FAM171B: variants seen among roughly 807,000 people sequenced by gnomAD.
FAM171B encodes the protein family with sequence similarity 171 member B.
A neutral mutation model predicts 75.6 loss-of-function variants in FAM171B; 19 were observed. That is an observed-to-expected ratio of 0.25 (90% CI 0.18 to 0.37). The LOEUF is 0.37. Ranked by LOEUF, FAM171B falls within the 10% of genes least tolerant of loss-of-function variation. The pLI, the probability that FAM171B is intolerant of heterozygous loss-of-function variation, is 1.00. For missense variants in FAM171B, 848 were observed against 982.4 expected (o/e 0.86, Z 1.83); for synonymous variants, 367 against 361.7 (o/e 1.01, Z -0.17).
chr2:186,750,396 C>G (rs937032642), intron 4 of FAM171B, among the ~76,000 whole-genome samples: 32 of 152,236 alleles, frequency 2.1e-4, no homozygotes, highest in African/African-American at 7.5e-4. Context: ...TTAGGCAAAA[C>G]AATATAACCA....
chr2:186,739,005 G>C (rs1372318342), intron 1 of FAM171B, among the ~76,000 whole-genome samples: 2 of 152,136 alleles, frequency 1.3e-5, no homozygotes, highest in Non-Finnish European at 2.9e-5. Flanking sequence ...TTGCTCCTAA[G>C]CTGCAAGTCT....
chr2:186,709,395 T>C (rs1307552142), intron 1 of FAM171B, among the ~76,000 whole-genome samples: 1 of 152,218 alleles, frequency 6.6e-6, no homozygotes, highest in Non-Finnish European at 1.5e-5. Flanking sequence ...AGTGCCCACA[T>C]TTCTTGAAGA....
At chr2:186,725,725 A>G (rs1407102053) in intron 1 of FAM171B, among the ~76,000 whole-genome samples, 2 of 152,236 alleles carry the variant, frequency 1.3e-5, no homozygotes, top group Admixed American at 6.5e-5. Flanking sequence ...CACTGGGCTG[A>G]AGGCTCTTCT....
At chr2:186,747,640 A>G (rs188966878) in intron 4 of FAM171B, among the ~76,000 whole-genome samples, 2,733 of 152,226 alleles carry the variant, frequency 0.018, 43 homozygotes, top group Admixed American at 0.036. Context: ...ATTTTTATCC[A>G]ACTGATGAGA....
At chr2:186,727,722 G>A (rs114781131) in intron 1 of FAM171B, among the ~76,000 whole-genome samples, 2,281 of 152,202 alleles carry the variant, frequency 0.015, 31 homozygotes, top group Non-Finnish European at 0.023. Flanking sequence ...TTGAATGCTA[G>A]CCTAAAACGT....
At chr2:186,747,334 C>T in intron 4 of FAM171B, 84 bp downstream of exon 4, 1 of 875,906 alleles carries the variant, frequency 1.1e-6, no homozygotes, top group East Asian at 3.0e-5. Context: ...TCTATAATAG[C>T]TTATAATATA....
Position 186,761,875 on chromosome 2 carries a change from A to G in FAM171B, c.1533A>G (p.Glu511=). 4.3e-6 allele frequency: 7 copies of G among 1,613,182 alleles called. No individual in the cohort carries two copies. The highest frequency in any genetic ancestry group is 5.9e-6 in the Non-Finnish European group (7 of 1,179,726). The part of the protein sequence containing the change: ...LSSSLGDAQD[E]KRYLTGNEEA... Reference sequence around the variant, plus strand: ...CATCTCTAGGTGATGCTCAAGATGAAAAGAGGTATCTCACAGGTAATGAGG... The same window carrying G: ...CATCTCTAGGTGATGCTCAAGATGAGAAGAGGTATCTCACAGGTAATGAGG... Residue 511 remains glutamate, a synonymous_variant, in exon 8 of 8, where the codon GAA becomes GAG. Coordinates refer to ENST00000304698, the MANE Select transcript of FAM171B (RefSeq NM_177454.4).
At chr2:186,716,447 G>A (rs1689875747) in intron 1 of FAM171B, among the ~76,000 whole-genome samples, 1 of 152,096 alleles carries the variant, frequency 6.6e-6, no homozygotes, top group Non-Finnish European at 1.5e-5. Flanking sequence ...TGTAATAGAT[G>A]TATATACATA....
intron 1 of FAM171B, among the ~76,000 whole-genome samples, chr2:186,716,796 A>G (rs2682874): frequency 0.91 from 138,503 of 152,274 alleles, 64,064 homozygotes; most frequent in Non-Finnish European, 1. Context: ...GCATTTTCAT[A>G]GTTAATAGTG....
intron 1 of FAM171B, among the ~76,000 whole-genome samples, chr2:186,714,118 G>GA (rs1457262447): frequency 9.0e-5 from 4 of 44,456 alleles, no homozygotes; most frequent in African/African-American, 1.4e-4. Context: ...GTCAGCAGAT[G>GA]AAATTTTTTT....
At chr2:186,714,624 G>T (rs1689851291) in intron 1 of FAM171B, among the ~76,000 whole-genome samples, 1 of 152,130 alleles carries the variant, frequency 6.6e-6, no homozygotes, top group Non-Finnish European at 1.5e-5. Flanking sequence ...AAATCAGAGT[G>T]TTATATAGGA....
chr2:186,738,476 C>T (rs748964948), intron 1 of FAM171B, among the ~76,000 whole-genome samples: 21 of 151,908 alleles, frequency 1.4e-4, no homozygotes, highest in Non-Finnish European at 2.8e-4. Context: ...CAGAATAGTC[C>T]ATGGGTCTTC....
intron 3 of FAM171B, among the ~76,000 whole-genome samples, chr2:186,746,260 T>A (rs561254948): frequency 1.3e-5 from 2 of 152,310 alleles, no homozygotes; most frequent in South Asian, 4.1e-4. Context: ...AAAAATTCAG[T>A]TACTGAGATA....
At chr2:186,697,116 G>C (rs1459963170) in intron 1 of FAM171B, among the ~76,000 whole-genome samples, 1 of 152,068 alleles carries the variant, frequency 6.6e-6, no homozygotes, top group African/African-American at 2.4e-5. Flanking sequence ...AGTTTAGCAG[G>C]GGATTTATAA....
intron 1 of FAM171B, among the ~76,000 whole-genome samples, chr2:186,704,128 G>A (rs1324514534): frequency 6.6e-6 from 1 of 151,982 alleles, no homozygotes; most frequent in African/African-American, 2.4e-5. Flanking sequence ...ACTTCCTGAA[G>A]TATATTTTTC....
intron 1 of FAM171B, among the ~76,000 whole-genome samples, chr2:186,708,356 T>A (rs75390498): frequency 1.3e-4 from 6 of 47,306 alleles, no homozygotes; most frequent in African/African-American, 4.6e-4. Flanking sequence ...GATTTCACTA[T>A]TTTTTTTTCT....
intron 1 of FAM171B, among the ~76,000 whole-genome samples, chr2:186,722,032 A>T (rs1689961290): frequency 6.6e-6 from 1 of 152,218 alleles, no homozygotes; most frequent in South Asian, 2.1e-4. Context: ...CTATCAGAGC[A>T]GTTACTGAAA....
intron 1 of FAM171B, among the ~76,000 whole-genome samples, chr2:186,718,760 A>G (rs879643050): frequency 6.6e-6 from 1 of 152,220 alleles, no homozygotes; most frequent in Non-Finnish European, 1.5e-5. Flanking sequence ...ATGTTTACTG[A>G]GGCAAATTTA....
intron 1 of FAM171B, among the ~76,000 whole-genome samples, chr2:186,713,598 TAATA>T (rs1689837551): frequency 2.6e-5 from 4 of 152,316 alleles, no homozygotes; most frequent in Middle Eastern, 3.4e-3. Context: ...TATAACTTTC[TAATA>T]AATGAGGCCA....
Sources: allele counts gnomAD v4.1 joint callset (sites outside exome capture counted in the v4.1 genomes callset), GRCh38; gene constraint gnomAD v4.1.1; transcripts MANE v1.5; gene names NCBI Gene and HGNC (gene_info 2026-07-23, HGNC 2026-07-21).